CACNA2D1: variants seen among roughly 807,000 people sequenced by gnomAD.
CACNA2D1 encodes the protein voltage-dependent calcium channel subunit alpha-2/delta-1.
CACNA2D1 carries 53 observed loss-of-function variants against 171.5 expected under a neutral mutation model. The ratio of observed to expected loss-of-function variants is 0.31; its 90% CI spans 0.25 to 0.39. CACNA2D1 has a LOEUF of 0.39. Ranked by LOEUF, CACNA2D1 falls within the 10% of genes least tolerant of loss-of-function variation. CACNA2D1 has a pLI of 1.00. For synonymous variants in CACNA2D1, 442 were observed against 443.1 expected, an observed-to-expected ratio of 1.00 and a Z score of 0.03; for missense variants, 903 against 1,299.8, an observed-to-expected ratio of 0.69 and a Z score of 4.69.
chr7:82,197,449 T>C (rs1438738715), intron 3 of CACNA2D1, among the ~76,000 whole-genome samples: 3 of 152,110 alleles, frequency 2.0e-5, no homozygotes, highest in Non-Finnish European at 4.4e-5. Flanking sequence ...AATCATAACA[T>C]AAATGTAAGG....
intron 19 of CACNA2D1, among the ~76,000 whole-genome samples, chr7:81,995,371 CT>C (rs1797935281): frequency 6.6e-6 from 1 of 152,210 alleles, no homozygotes; most frequent in East Asian, 1.9e-4. Context: ...ACTCTTTACA[CT>C]TTTTAGTTTG....
chr7:82,125,843 T>A (rs1324699567), intron 5 of CACNA2D1, among the ~76,000 whole-genome samples: 1 of 152,208 alleles, frequency 6.6e-6, no homozygotes, highest in African/African-American at 2.4e-5. Flanking sequence ...TGCATTATCT[T>A]AAGGTTTTCA....
At chr7:82,388,126 C>A (rs1824640976) in intron 1 of CACNA2D1, among the ~76,000 whole-genome samples, 2 of 151,422 alleles carry the variant, frequency 1.3e-5, no homozygotes, top group South Asian at 4.2e-4. Context: ...CTGACCTAAT[C>A]TCTTCAACTC....
chr7:82,285,852 A>G (rs934509409), intron 3 of CACNA2D1, among the ~76,000 whole-genome samples: 78 of 152,184 alleles, frequency 5.1e-4, no homozygotes, highest in African/African-American at 1.9e-3. Context: ...AAAGTACGCA[A>G]CACTGGCACA....
At chr7:82,165,708 T>C (rs1490100647) in intron 4 of CACNA2D1, among the ~76,000 whole-genome samples, 1 of 151,968 alleles carries the variant, frequency 6.6e-6, no homozygotes, top group Non-Finnish European at 1.5e-5. Flanking sequence ...AATCTATCTT[T>C]ATGATGAAGA....
intron 3 of CACNA2D1, among the ~76,000 whole-genome samples, chr7:82,272,389 TG>T (rs1359356249): frequency 4.6e-5 from 7 of 152,188 alleles, no homozygotes; most frequent in Non-Finnish European, 8.8e-5. Flanking sequence ...CTTAAACATA[TG>T]TCTACAAATT....
chr7:82,185,367 G>C (rs1797554426), intron 3 of CACNA2D1, among the ~76,000 whole-genome samples: 2 of 149,552 alleles, frequency 1.3e-5, no homozygotes, highest in Admixed American at 6.7e-5. Context: ...GTGGCAGAAA[G>C]CTATATAAAC....
intron 3 of CACNA2D1, among the ~76,000 whole-genome samples, chr7:82,221,335 T>C (rs1031207263): frequency 6.6e-6 from 1 of 152,166 alleles, no homozygotes; most frequent in Non-Finnish European, 1.5e-5. Context: ...TCTTGCATTA[T>C]ACACATATCA....
At chr7:82,365,490 T>C (rs2299177) in intron 1 of CACNA2D1, among the ~76,000 whole-genome samples, 22,170 of 152,240 alleles carry the variant, frequency 0.15, 1,791 homozygotes, top group South Asian at 0.27. Flanking sequence ...AGGAAAATAA[T>C]GTTCATTGAT....
intron 3 of CACNA2D1, among the ~76,000 whole-genome samples, chr7:82,296,361 C>T (rs182259910): frequency 7.9e-5 from 12 of 152,080 alleles, no homozygotes; most frequent in Admixed American, 3.3e-4. Context: ...TTCTGACATC[C>T]GAATCAGTTA....
chr7:82,282,887 C>T (rs1810301997), intron 3 of CACNA2D1, among the ~76,000 whole-genome samples: 1 of 152,092 alleles, frequency 6.6e-6, no homozygotes, highest in African/African-American at 2.4e-5. Flanking sequence ...CACATTCCTA[C>T]AATACATTAC....
rs148386630 is a variant in CACNA2D1 at position 82,149,181 on chromosome 7, A to G, written c.355-12505T>C. Among the ~76,000 whole-genome samples, 8 of 152,214 alleles carry G rather than the reference A, an allele frequency of 5.3e-5. No individual in the cohort carries two copies. In the East Asian group the frequency reaches 1.6e-3, roughly 30 times the overall value. On this transcript the variant is annotated intron_variant, in intron 4 of 38. Coordinates refer to ENST00000356860, the MANE Select transcript of CACNA2D1 (RefSeq NM_000722.4). The stretch of plus-strand genomic sequence containing the variant: ...TTGAGCTCAATGCCTGGCCCATCAC[A>G]GCTTAGATGTCATTAACTACTAAAC...
chr7:82,393,353 T>C (rs1825412154), intron 1 of CACNA2D1, among the ~76,000 whole-genome samples: 1 of 152,176 alleles, frequency 6.6e-6, no homozygotes, highest in Non-Finnish European at 1.5e-5. Context: ...AATGAATATA[T>C]GATCCATGCT....
intron 24 of CACNA2D1, among the ~76,000 whole-genome samples, chr7:81,977,267 C>T (rs530013795): frequency 6.6e-6 from 1 of 152,142 alleles, no homozygotes; most frequent in South Asian, 2.1e-4. Flanking sequence ...TGAAGGGGTG[C>T]TGAATTTCGT....
chr7:82,136,579 G>T, intron 5 of CACNA2D1, 56 bp downstream of exon 5: 1 of 1,325,754 alleles, frequency 7.5e-7, no homozygotes, highest in African/African-American at 1.5e-5. Context: ...TCTATATAAG[G>T]CCAATCATTT....
chr7:82,038,357 T>C (rs1006495446), intron 10 of CACNA2D1, 122 bp from the exon 11 acceptor site: 3 of 833,112 alleles, frequency 3.6e-6, no homozygotes, highest in Non-Finnish European at 5.6e-6. Flanking sequence ...AATGGAAAAG[T>C]GAGTAGGCTG....
intron 6 of CACNA2D1, among the ~76,000 whole-genome samples, chr7:82,097,939 C>T (rs1812098149): frequency 1.3e-5 from 2 of 151,994 alleles, no homozygotes; most frequent in South Asian, 4.1e-4. Context: ...CATGGTGAAA[C>T]CCTGTCTCTA....
chr7:82,359,569 G>A (rs1820853980), intron 1 of CACNA2D1, among the ~76,000 whole-genome samples: 1 of 152,086 alleles, frequency 6.6e-6, no homozygotes, highest in African/African-American at 2.4e-5. Context: ...CTACTAAACT[G>A]AAATCACCTC....
chr7:82,038,063 A>G lies in CACNA2D1; in HGVS notation c.1038+14T>C, dbSNP rs199801708. 6.2e-7 allele frequency: 1 copy of G among 1,611,650 alleles called. No individual in the cohort carries two copies. ...GAACAACAACAACAACAAAAGACAT[A>G]GCATGATACTTACATTAAGCAGCTG... On this transcript the variant is annotated intron_variant, in intron 11 of 38. Transcript: ENST00000356860.
Sources: allele counts gnomAD v4.1 joint callset (sites outside exome capture counted in the v4.1 genomes callset), GRCh38; gene constraint gnomAD v4.1.1; transcripts MANE v1.5; gene names NCBI Gene and HGNC (gene_info 2026-07-23, HGNC 2026-07-21).